The following BBS9 variants were observed in gnomAD, a reference collection of about 807,000 sequenced individuals.
The protein encoded by BBS9 is Bardet-Biedl syndrome 9.
Under a neutral mutation model 117.7 loss-of-function variants are expected in BBS9, and 89 were observed. The observed-to-expected ratio is 0.76, with a 90% confidence interval of 0.64 to 0.90. The LOEUF (loss-of-function observed/expected upper bound fraction) is 0.90, where lower values mean the gene tolerates loss of function less well. Among genes scored for constraint, BBS9 ranks in the 40% least tolerant of loss-of-function variants. BBS9 has a pLI of 0.00. For synonymous variants in BBS9, 379 were observed against 370.9 expected (o/e 1.02, Z -0.25); for missense variants, 982 against 1,042.2 (o/e 0.94, Z 0.80).
intron 21 of BBS9, among the ~76,000 whole-genome samples, chr7:33,546,318 C>A (rs1395133745): frequency 1.3e-5 from 2 of 152,054 alleles, no homozygotes; most frequent in African/African-American, 4.8e-5. Flanking sequence ...TAACCAGTTC[C>A]CTTTTGTCAA....
chr7:33,492,511 A>G (rs1464109885), intron 19 of BBS9, among the ~76,000 whole-genome samples: 3 of 152,140 alleles, frequency 2.0e-5, no homozygotes, highest in Admixed American at 2.0e-4. Context: ...AGATTTTTTA[A>G]TGTTTAGAGT....
intron 21 of BBS9, among the ~76,000 whole-genome samples, chr7:33,574,331 C>T (rs1055529358): frequency 3.3e-5 from 5 of 152,126 alleles, no homozygotes; most frequent in Admixed American, 6.6e-5. Context: ...CAGTGGTAAG[C>T]AGCAGATACA....
intron 12 of BBS9, 147 bp downstream of exon 12, chr7:33,344,781 A>G: frequency 1.3e-6 from 1 of 791,566 alleles, no homozygotes; most frequent in Non-Finnish European, 2.2e-6. Context: ...TGAGTAGTGA[A>G]TAGAAAACCT....
chr7:33,167,980 T>C (rs1369392961), intron 4 of BBS9, among the ~76,000 whole-genome samples: 3 of 152,234 alleles, frequency 2.0e-5, no homozygotes, highest in African/African-American at 7.2e-5. Context: ...ATATGACTGA[T>C]AGCATATGCC....
At chr7:33,349,298 G>T (rs965850108) in intron 13 of BBS9, 128 bp downstream of exon 13, 1 of 734,838 alleles carries the variant, frequency 1.4e-6, no homozygotes, top group Non-Finnish European at 2.4e-6. Context: ...ATCAATGATT[G>T]TGTTGTTTTG....
intron 19 of BBS9, among the ~76,000 whole-genome samples, chr7:33,472,747 C>T (rs1841228148): frequency 6.6e-6 from 1 of 152,160 alleles, no homozygotes; most frequent in African/African-American, 2.4e-5. Context: ...GTTCTTGGAT[C>T]CTAACATACG....
In BBS9 at chr7:33,356,073, A is replaced by G. The variant is rs1234711705; in HGVS notation, c.1553-1782A>G. 3.3e-5 allele frequency among the ~76,000 whole-genome samples: 5 copies of G among 151,960 alleles called. No homozygotes were observed. The East Asian group carries it at 7.7e-4, about 23-fold the overall frequency. On this transcript the variant is annotated intron_variant, in intron 15 of 22. Transcript: ENST00000242067. ...CCTGTACAGAATTGTCAGAAAAGGA[A>G]GCATTTGTTTTTGTTGTACTAGTCA...
intron 7 of BBS9, among the ~76,000 whole-genome samples, chr7:33,269,902 A>T (rs918819952): frequency 6.6e-6 from 1 of 151,832 alleles, no homozygotes; most frequent in Admixed American, 6.6e-5. Context: ...GTGTGCCTGT[A>T]GTCCCAGCTA....
At chr7:33,628,834 C>G (rs1865758640) in intron 21 of BBS9, among the ~76,000 whole-genome samples, 2 of 152,178 alleles carry the variant, frequency 1.3e-5, no homozygotes, top group Admixed American at 6.5e-5. Context: ...AGAATACAAG[C>G]TTAATGTAAA....
chr7:33,455,854 G>A (rs987817670), intron 19 of BBS9, among the ~76,000 whole-genome samples: 1 of 152,112 alleles, frequency 6.6e-6, no homozygotes, highest in Non-Finnish European at 1.5e-5. Context: ...TGCTTATTTG[G>A]CCCAACATAT....
chr7:33,496,080 G>C (rs1844661691), intron 19 of BBS9, among the ~76,000 whole-genome samples: 1 of 152,130 alleles, frequency 6.6e-6, no homozygotes, highest in African/African-American at 2.4e-5. Context: ...GTGTTTCGAA[G>C]GATCAGGTGG....
chr7:33,265,811 C>G (rs1346472788), intron 7 of BBS9, among the ~76,000 whole-genome samples: 1 of 151,962 alleles, frequency 6.6e-6, no homozygotes, highest in East Asian at 1.9e-4. Context: ...CCACTGTACT[C>G]TAGCCTGGGT....
At chr7:33,603,428 A>C (rs1864098446) in intron 21 of BBS9, among the ~76,000 whole-genome samples, 1 of 152,118 alleles carries the variant, frequency 6.6e-6, no homozygotes, top group Non-Finnish European at 1.5e-5. Context: ...GCCTCTCCAA[A>C]GGTCTCAGCC....
intron 5 of BBS9, among the ~76,000 whole-genome samples, chr7:33,219,841 A>AAT (rs1789879819): frequency 6.6e-6 from 1 of 152,074 alleles, no homozygotes; most frequent in East Asian, 1.9e-4. Context: ...ACACTGTGGA[A>AAT]ATTTTGTTCT....
chr7:33,493,656 G>A (rs887652938), intron 19 of BBS9, among the ~76,000 whole-genome samples: 2 of 152,164 alleles, frequency 1.3e-5, no homozygotes, highest in Admixed American at 1.3e-4. Context: ...TTCTGGAAAG[G>A]TTCCACTGGG....
chr7:33,557,390 A>T (rs1855450955), intron 21 of BBS9, among the ~76,000 whole-genome samples: 1 of 152,138 alleles, frequency 6.6e-6, no homozygotes, highest in South Asian at 2.1e-4. Flanking sequence ...TGGTTTCTTT[A>T]TTGTAGTAAT....
intron 21 of BBS9, among the ~76,000 whole-genome samples, chr7:33,545,481 T>C (rs1405036081): frequency 6.6e-6 from 1 of 152,124 alleles, no homozygotes; most frequent in Non-Finnish European, 1.5e-5. Flanking sequence ...GTTTCTGCAG[T>C]GGGGGTGTGT....
chr7:33,350,930 G>A (rs897338139), intron 13 of BBS9, among the ~76,000 whole-genome samples: 6 of 152,298 alleles, frequency 3.9e-5, no homozygotes, highest in African/African-American at 1.2e-4. Context: ...CTGGCCTCAC[G>A]TGATCCGCCC....
chr7:33,137,309 G>C, intron 1 of BBS9, among the ~76,000 whole-genome samples: 1 of 152,230 alleles, frequency 6.6e-6, no homozygotes, highest in Non-Finnish European at 1.5e-5. Flanking sequence ...AACTGCAGGG[G>C]CAGGGGTGCT....
Sources: gnomAD v4.1 joint callset for allele counts (sites outside exome capture counted in the v4.1 genomes callset) on GRCh38, gnomAD v4.1.1 for gene constraint, MANE v1.5 for transcripts, NCBI Gene and HGNC (gene_info 2026-07-23, HGNC 2026-07-21) for gene names.